Variants in RPH3A observed in about 807,000 individuals in gnomAD.
RPH3A encodes the protein rabphilin-3A.
A neutral mutation model predicts 102.2 loss-of-function variants in RPH3A; 48 were observed. The ratio of observed to expected loss-of-function variants is 0.47; its 90% CI spans 0.37 to 0.60. The LOEUF (loss-of-function observed/expected upper bound fraction) is 0.60. RPH3A is among the 20% of genes least tolerant of loss of function. The pLI is 0.00. For synonymous variants in RPH3A, 310 were observed against 324.3 expected, an observed-to-expected ratio of 0.96 and a Z score of 0.47; for missense variants, 781 against 910.1, an observed-to-expected ratio of 0.86 and a Z score of 1.83.
At chr12:112,720,369 T>C (rs1007911745) in intron 1 of RPH3A, among the ~76,000 whole-genome samples, 15 of 152,244 alleles carry the variant, frequency 9.9e-5, no homozygotes, top group African/African-American at 2.9e-4. Context: ...GGCTATCAGA[T>C]TGTGGCAGGC....
chr12:112,801,026 T>A (rs756696270), intron 2 of RPH3A, among the ~76,000 whole-genome samples: 1 of 152,108 alleles, frequency 6.6e-6, no homozygotes, highest in Non-Finnish European at 1.5e-5. Context: ...GATTAATCTA[T>A]CAGCATGAAG....
intron 1 of RPH3A, among the ~76,000 whole-genome samples, chr12:112,650,009 C>T (rs1320552706): frequency 6.6e-6 from 1 of 152,218 alleles, no homozygotes; most frequent in Non-Finnish European, 1.5e-5. Flanking sequence ...AGGGTTGGGA[C>T]TTCAACATGT....
intron 1 of RPH3A, among the ~76,000 whole-genome samples, chr12:112,737,168 A>C (rs1417796693): frequency 1.3e-5 from 2 of 150,878 alleles, no homozygotes; most frequent in Non-Finnish European, 3.0e-5. Context: ...AAAAAAAAAA[A>C]CAAAATAAAA....
intron 1 of RPH3A, among the ~76,000 whole-genome samples, chr12:112,598,250 A>T (rs2039532467): frequency 6.6e-6 from 1 of 152,196 alleles, no homozygotes; most frequent in South Asian, 2.1e-4. Context: ...AGCTACAAGG[A>T]GTGTTCTCTC....
rs367597186 is a variant in RPH3A, at chr12:112,896,685, C to T, written c.1990C>T (p.Arg664Cys). Residue 664 changes from arginine to cysteine, a missense_variant, in exon 22 of 22, where the codon CGC (arginine) becomes TGC (cysteine). By Grantham distance (180) the Arg-to-Cys change is radical. This residue lies in a region of RPH3A where 51 missense variants were observed against 100.1 expected (regional missense o/e 0.51). Coordinates refer to ENST00000389385, the MANE Select transcript of RPH3A (RefSeq NM_001143854.2). The part of the protein sequence containing the change: ...CQLGISAKGE[R>C]LKHWYECLKN... Reference sequence around the variant, plus strand: ...GCTGGGGATCTCTGCCAAGGGAGAGCGCTTAAAACACTGGTACGAGTGTCT... The same window carrying T: ...GCTGGGGATCTCTGCCAAGGGAGAGTGCTTAAAACACTGGTACGAGTGTCT... The T allele has an allele frequency of 4.4e-5, 71 of 1,614,070 alleles. No individual in the cohort carries two copies. The highest frequency in any genetic ancestry group is 4.3e-4 in the Admixed American group (26 of 60,018).
At chr12:112,844,914 C>T (rs981572901) in intron 4 of RPH3A, among the ~76,000 whole-genome samples, 7 of 152,272 alleles carry the variant, frequency 4.6e-5, no homozygotes, top group Non-Finnish European at 7.4e-5. Flanking sequence ...CATAGGGGAT[C>T]GAGGAGCCAC....
At chr12:112,691,337 A>AG (rs1322648310) in intron 1 of RPH3A, among the ~76,000 whole-genome samples, 4 of 152,210 alleles carry the variant, frequency 2.6e-5, no homozygotes, top group Non-Finnish European at 5.9e-5. Context: ...TGTAAAAAAA[A>AG]GCCCAGAAAT....
chr12:112,783,757 C>A (rs1221781970), intron 1 of RPH3A, among the ~76,000 whole-genome samples: 1 of 152,168 alleles, frequency 6.6e-6, no homozygotes, highest in Admixed American at 6.5e-5. Flanking sequence ...CTCACACAAC[C>A]AGTGAGTGGA....
At chr12:112,629,222 A>G (rs2039786528) in intron 1 of RPH3A, among the ~76,000 whole-genome samples, 1 of 152,192 alleles carries the variant, frequency 6.6e-6, no homozygotes, top group African/African-American at 2.4e-5. Context: ...GGGAGGCCCC[A>G]GGCTCACAGA....
At chr12:112,860,698 A>G (rs561257842) in intron 5 of RPH3A, among the ~76,000 whole-genome samples, 1 of 152,326 alleles carries the variant, frequency 6.6e-6, no homozygotes, top group East Asian at 1.9e-4. Context: ...AGCAAAGATG[A>G]TTGACTGAAG....
At chr12:112,615,564 G>A (rs765694857) in intron 1 of RPH3A, among the ~76,000 whole-genome samples, 3 of 152,184 alleles carry the variant, frequency 2.0e-5, no homozygotes, top group Admixed American at 6.5e-5. Context: ...CTGTACCTCC[G>A]CTAGAGATCT....
At chr12:112,854,554 G>A (rs1565921170) in intron 5 of RPH3A, among the ~76,000 whole-genome samples, 1 of 152,200 alleles carries the variant, frequency 6.6e-6, no homozygotes, top group Non-Finnish European at 1.5e-5. Flanking sequence ...AATAAGTGGT[G>A]GGGACTGGGA....
At chr12:112,632,129 CA>C (rs2039811702) in intron 1 of RPH3A, among the ~76,000 whole-genome samples, 1 of 152,146 alleles carries the variant, frequency 6.6e-6, no homozygotes, top group Non-Finnish European at 1.5e-5. Context: ...TTCCCCTGCA[CA>C]AGCTCTCTCT....
At position 112,866,795 on chromosome 12, in the gene RPH3A, C is replaced by T. The variant is rs764051319; in HGVS notation, c.399C>T (p.Arg133=). ...CTKCGVETNN[R]LHSVWLCKIC... ...AGTGCGGAGTGGAGACCAACAACCG[C>T]CTGCATTCTGTGTGGCTCTGCAAAA... Residue 133 remains arginine (R), a synonymous_variant, in exon 7 of 22, where the codon CGC becomes CGT. Coordinates refer to ENST00000389385, the MANE Select transcript of RPH3A (RefSeq NM_001143854.2). 2 of 1,611,874 alleles carry T rather than the reference C, an allele frequency of 1.2e-6. No homozygotes were observed. Among genetic ancestry groups the T allele is most frequent in the Non-Finnish European group, 8.5e-7 (1 of 1,178,922 alleles).
intron 2 of RPH3A, among the ~76,000 whole-genome samples, chr12:112,825,029 T>A (rs2041843172): frequency 6.6e-6 from 1 of 151,532 alleles, no homozygotes; most frequent in Non-Finnish European, 1.5e-5. Flanking sequence ...CTAGACCAAC[T>A]GCAGCCGAGG....
chr12:112,669,766 C>T (rs1035526375), intron 1 of RPH3A, among the ~76,000 whole-genome samples: 16 of 152,086 alleles, frequency 1.1e-4, no homozygotes, highest in African/African-American at 3.4e-4. Context: ...ATATCTTGTA[C>T]GTTTTTCTTG....
intron 4 of RPH3A, among the ~76,000 whole-genome samples, chr12:112,847,384 T>C (rs1478844433): frequency 2.6e-5 from 4 of 152,216 alleles, no homozygotes; most frequent in Non-Finnish European, 5.9e-5. Context: ...AGACTTCCTG[T>C]CCTGAATCAT....
At chr12:112,724,964 C>A (rs1236227383) in intron 1 of RPH3A, among the ~76,000 whole-genome samples, 13 of 137,332 alleles carry the variant, frequency 9.5e-5, no homozygotes, top group African/African-American at 3.6e-4. Context: ...CGAGACTCTG[C>A]CTAAAAAAAA....
At chr12:112,713,098 T>TTCC (rs1391181713) in intron 1 of RPH3A, among the ~76,000 whole-genome samples, 3 of 137,342 alleles carry the variant, frequency 2.2e-5, no homozygotes, top group African/African-American at 7.9e-5. Flanking sequence ...CTTCTTCTTC[T>TTCC]TCTTTTATTT....
Sources: gnomAD v4.1 joint callset for allele counts (sites outside exome capture counted in the v4.1 genomes callset) on GRCh38, gnomAD v4.1.1 for gene constraint, gnomAD v4.1.1 regional missense constraint, MANE v1.5 for transcripts, NCBI Gene and HGNC (gene_info 2026-07-23, HGNC 2026-07-21) for gene names.